The following ST6GALNAC5 variants were observed in gnomAD, a reference collection of about 807,000 sequenced individuals.
ST6GALNAC5 encodes the protein ST6 N-acetylgalactosaminide alpha-2,6-sialyltransferase 5, also known as alpha-N-acetylgalactosaminide alpha-2,6-sialyltransferase 5.
ST6GALNAC5 carries 27 observed loss-of-function variants against 33.6 expected under a neutral mutation model. The observed-to-expected ratio is 0.80, with a 90% CI of 0.59 to 1.11. The LOEUF (loss-of-function observed/expected upper bound fraction) is 1.11, where lower values mean the gene tolerates loss of function less well. Ranked by LOEUF, ST6GALNAC5 falls within the 50% of genes least tolerant of loss-of-function variation. ST6GALNAC5 has a pLI of 0.00. For missense variants in ST6GALNAC5, 428 were observed against 454.0 expected, an observed-to-expected ratio of 0.94 and a Z score of 0.52; for synonymous variants, 194 against 171.2, an observed-to-expected ratio of 1.13 and a Z score of -1.04.
At chr1:76,963,035 G>T (rs1648304687) in intron 2 of ST6GALNAC5, among the ~76,000 whole-genome samples, 1 of 152,080 alleles carries the variant, frequency 6.6e-6, no homozygotes, top group African/African-American at 2.4e-5. Context: ...CCTCCCTATA[G>T]AAAATTTGTG....
chr1:76,872,646 G>A (rs150962649), intron 2 of ST6GALNAC5, among the ~76,000 whole-genome samples: 58 of 152,206 alleles, frequency 3.8e-4, no homozygotes, highest in African/African-American at 1.4e-3. Flanking sequence ...TTAAAATTAT[G>A]GGATGAGTAT....
chr1:76,978,852 T>C (rs908340739), intron 2 of ST6GALNAC5, among the ~76,000 whole-genome samples: 2 of 152,234 alleles, frequency 1.3e-5, no homozygotes, highest in African/African-American at 4.8e-5. Flanking sequence ...TGGTTGCAGA[T>C]GACATGGTCA....
rs1464748385 is a variant in ST6GALNAC5, at chr1:77,015,471, AG to A, written c.262-28732del. Among the ~76,000 whole-genome samples the A allele has an allele frequency of 3.9e-5, 6 of 152,202 alleles. No homozygotes were observed. The East Asian group carries it at 1.2e-3, about 29-fold the overall frequency. On this transcript the variant is annotated intron_variant, in intron 2 of 4. Coordinates refer to ENST00000477717, the MANE Select transcript of ST6GALNAC5 (RefSeq NM_030965.3). ...GTAATGCTTACTCTGTGAACCCTGT[AG>A]CTCAGTCCTCACAGGGCTCACAGTC...
intron 2 of ST6GALNAC5, among the ~76,000 whole-genome samples, chr1:76,993,554 C>T (rs1649815876): frequency 6.6e-6 from 1 of 152,118 alleles, no homozygotes; most frequent in Admixed American, 6.6e-5. Context: ...GGTTTAATTC[C>T]TATTTATACT....
Position 77,067,296 on chromosome 1 carries a change from C to T in ST6GALNAC5, c.*4090C>T, listed in dbSNP as rs1178307526. On this transcript the variant is annotated 3_prime_UTR_variant, in exon 5 of 5. Transcript: ENST00000477717. ...CTCTTTTGTAGCTCACTCATCCCAC[C>T]TTCTCAGGGTGTTGAAATGCAAATG... Among the ~76,000 whole-genome samples the T allele has an allele frequency of 6.6e-6, 1 of 152,200 alleles. No individual in the cohort carries two copies. The highest frequency in any genetic ancestry group is 1.5e-5 in the Non-Finnish European group (1 of 68,036).
chr1:76,959,925 G>A (rs932622605), intron 2 of ST6GALNAC5, among the ~76,000 whole-genome samples: 4 of 152,152 alleles, frequency 2.6e-5, no homozygotes, highest in African/African-American at 9.7e-5. Context: ...TACAACAAAA[G>A]CAGTGTATTT....
chr1:77,041,936 T>C (rs954206956), intron 2 of ST6GALNAC5, among the ~76,000 whole-genome samples: 1 of 152,124 alleles, frequency 6.6e-6, no homozygotes, highest in Admixed American at 6.5e-5. Context: ...AAAGAGGCAA[T>C]GAGGTAAGAA....
rs932271458 is a variant in ST6GALNAC5 at position 77,067,220 on chromosome 1, A to G, written c.*4014A>G. 6.6e-6 allele frequency among the ~76,000 whole-genome samples: 1 copy of G among 152,200 alleles called. No homozygotes were observed. The highest frequency in any genetic ancestry group is 2.4e-5 in the African/African-American group (1 of 41,450). On this transcript the variant is annotated 3_prime_UTR_variant, in exon 5 of 5. Coordinates refer to ENST00000477717, the MANE Select transcript of ST6GALNAC5 (RefSeq NM_030965.3). ...AGCACATGCCAGAAGGTACTTTGGA[A>G]TGGAAAGAGGTGAGAGTGTCTCAAG...
At chr1:77,055,367 T>C (rs1278170927) in intron 4 of ST6GALNAC5, among the ~76,000 whole-genome samples, 2 of 152,252 alleles carry the variant, frequency 1.3e-5, no homozygotes, top group Non-Finnish European at 2.9e-5. Context: ...GCTGGCTGGT[T>C]TTCCACTGGC....
intron 2 of ST6GALNAC5, among the ~76,000 whole-genome samples, chr1:76,949,747 A>G (rs1321651060): frequency 6.6e-6 from 1 of 152,164 alleles, no homozygotes; most frequent in Non-Finnish European, 1.5e-5. Flanking sequence ...CACCAGGAGA[A>G]AAACCATTAG....
At chr1:76,956,682 G>T (rs545528892) in intron 2 of ST6GALNAC5, among the ~76,000 whole-genome samples, 4 of 152,088 alleles carry the variant, frequency 2.6e-5, no homozygotes, top group African/African-American at 9.6e-5. Context: ...TCTCTTTCTA[G>T]AACTTTCCCT....
chr1:77,000,335 GTTGT>G (rs1214115586), intron 2 of ST6GALNAC5, among the ~76,000 whole-genome samples: 1 of 126,520 alleles, frequency 7.9e-6, no homozygotes, highest in Non-Finnish European at 1.9e-5. Flanking sequence ...TTTCGATGGG[GTTGT>G]TTATTTTTTT....
At chr1:77,013,238 C>G (rs965992103) in intron 2 of ST6GALNAC5, among the ~76,000 whole-genome samples, 43 of 142,208 alleles carry the variant, frequency 3.0e-4, no homozygotes, top group African/African-American at 1.2e-3. Context: ...GTCTAGGTCT[C>G]AATATGAAGT....
At chr1:77,062,253 A>T (rs927626173) in intron 4 of ST6GALNAC5, among the ~76,000 whole-genome samples, 1 of 152,188 alleles carries the variant, frequency 6.6e-6, no homozygotes, top group Non-Finnish European at 1.5e-5. Flanking sequence ...CAGCAACAAC[A>T]ATTCCAGACA....
chr1:76,877,015 G>C (rs1331151988), intron 2 of ST6GALNAC5, among the ~76,000 whole-genome samples: 1 of 152,152 alleles, frequency 6.6e-6, no homozygotes, highest in Non-Finnish European at 1.5e-5. Context: ...ACTTCCATTT[G>C]ATGATGGGAT....
intron 2 of ST6GALNAC5, among the ~76,000 whole-genome samples, chr1:76,943,144 T>C (rs888638205): frequency 1.3e-5 from 2 of 152,090 alleles, no homozygotes; most frequent in African/African-American, 4.8e-5. Context: ...CTGCTCTAAA[T>C]ATATTAGAGG....
intron 2 of ST6GALNAC5, among the ~76,000 whole-genome samples, chr1:76,985,214 G>A (rs995033687): frequency 5.3e-5 from 8 of 152,150 alleles, no homozygotes; most frequent in African/African-American, 1.9e-4. Flanking sequence ...AGGAAAAGAG[G>A]AAGTCAAATT....
At position 76,981,917 on chromosome 1, in the gene ST6GALNAC5, G is replaced by A. The variant is rs184463291; in HGVS notation, c.262-62287G>A. On this transcript the variant is annotated intron_variant, in intron 2 of 4. Transcript: ENST00000477717. ...AACTCCAACAGACCTGCAGCTGAGA[G>A]ACCTGACCGTTAGAAGGAAAACTAA... Among the ~76,000 whole-genome samples, 333 of 152,334 alleles carry A rather than the reference G, an allele frequency of 2.2e-3. 2 individuals are homozygous for A. The highest frequency in any genetic ancestry group is 7.5e-3 in the African/African-American group (311 of 41,576).
intron 2 of ST6GALNAC5, among the ~76,000 whole-genome samples, chr1:76,902,088 A>T (rs1189576565): frequency 6.6e-6 from 1 of 152,176 alleles, no homozygotes; most frequent in Non-Finnish European, 1.5e-5. Context: ...TTAAAAGAAA[A>T]AAAAGCAGAA....
Sources: gnomAD v4.1 joint callset for allele counts (sites outside exome capture counted in the v4.1 genomes callset) on GRCh38, gnomAD v4.1.1 for gene constraint, MANE v1.5 for transcripts, NCBI Gene and HGNC (gene_info 2026-07-23, HGNC 2026-07-21) for gene names.